ASMT: variants seen among roughly 807,000 people sequenced by gnomAD.
The protein encoded by ASMT is acetylserotonin N-methyltransferase.
ASMT carries 53 observed loss-of-function variants against 41.3 expected under a neutral mutation model. That is an observed-to-expected ratio of 1.28 (90% CI 1.03 to 1.61). The LOEUF (loss-of-function observed/expected upper bound fraction) is 1.61, where lower values mean the gene tolerates loss of function less well. ASMT is among the 40% of genes most tolerant of loss of function. The probability of loss-of-function intolerance (pLI) is 0.00; values close to 1 mark genes in which losing one functional copy is unlikely to be tolerated. For missense variants in ASMT, 531 were observed against 441.3 expected (o/e 1.20, Z -1.82); for synonymous variants, 231 against 184.8 (o/e 1.25, Z -2.03).
At chrX:1,631,760 C>CA (rs751267211) in intron 5 of ASMT, among the ~76,000 whole-genome samples, 6 of 151,282 alleles carry the variant, frequency 4.0e-5, no homozygotes, top group African/African-American at 1.5e-4. Context: ...ACTAAAAATA[C>CA]AAAAAAAGGC....
chrX:1,631,422 G>A (rs1411454897), intron 5 of ASMT, among the ~76,000 whole-genome samples: 2 of 151,774 alleles, frequency 1.3e-5, no homozygotes, highest in Non-Finnish European at 2.9e-5. Context: ...TACCCCATAG[G>A]GCTGTCACAC....
intron 5 of ASMT, among the ~76,000 whole-genome samples, chrX:1,632,479 G>T (rs148676123): frequency 2.0e-5 from 3 of 152,050 alleles, no homozygotes; most frequent in African/African-American, 7.2e-5. Flanking sequence ...GAGAAACCCT[G>T]TCTCTACTAA....
chrX:1,635,963 CTT>C (rs756873361), intron 7 of ASMT, among the ~76,000 whole-genome samples: 20 of 141,868 alleles, frequency 1.4e-4, no homozygotes, highest in African/African-American at 1.5e-4. Context: ...TATTTTCTTT[CTT>C]TTTTTTTTTT....
At chrX:1,635,791 G>A (rs1331877068) in intron 7 of ASMT, among the ~76,000 whole-genome samples, 5 of 151,672 alleles carry the variant, frequency 3.3e-5, no homozygotes, top group Non-Finnish European at 5.9e-5. Context: ...GAAACCAGGA[G>A]GTGGAGGTTG....
At position 1,623,256 on chromosome X, in the gene ASMT, C is replaced by A; in HGVS notation, c.187C>A (p.Leu63Met). The A allele has an allele frequency of 6.2e-7, 1 of 1,613,910 alleles. No individual in the cohort carries two copies. The highest frequency in any genetic ancestry group is 1.1e-5 in the South Asian group (1 of 91,068). The change falls in exon 2 of 9, where the codon CTG (leucine) becomes ATG (methionine). Residue 63 changes from leucine (L) to methionine (M), a missense_variant. Leu to Met is a conservative substitution (Grantham distance 15). Coordinates refer to ENST00000381241, the MANE Select transcript of ASMT (RefSeq NM_001171038.2). ...GGCCAGCGCCCATGGGACAGAGCTC[C>A]TGCTGGACATCTGTGTGTCCCTGAA... ...VRASAHGTEL[L>M]LDICVSLKLL...
chrX:1,628,875 T>G (rs1200330250), intron 4 of ASMT, among the ~76,000 whole-genome samples: 8 of 150,644 alleles, frequency 5.3e-5, no homozygotes, highest in African/African-American at 2.0e-4. Flanking sequence ...TTTCACCTCC[T>G]TTTCTCCTCC....
intron 1 of ASMT, among the ~76,000 whole-genome samples, chrX:1,619,630 C>T (rs1289114637): frequency 8.8e-5 from 13 of 148,198 alleles, no homozygotes; most frequent in African/African-American, 3.0e-4. Context: ...TCAAAGTTAG[C>T]GTACCCTTAA....
chrX:1,625,913 C>A (rs1934529636), intron 3 of ASMT, among the ~76,000 whole-genome samples: 2 of 141,736 alleles, frequency 1.4e-5, no homozygotes, highest in Admixed American at 1.5e-4. Flanking sequence ...CAAGATCGCA[C>A]CACTGCACTC....
intron 1 of ASMT, among the ~76,000 whole-genome samples, chrX:1,616,382 A>C (rs1226307141): frequency 2.0e-5 from 3 of 151,378 alleles, no homozygotes; most frequent in African/African-American, 7.3e-5. Context: ...CATTTATATG[A>C]AATGTGCAGA....
intron 1 of ASMT, among the ~76,000 whole-genome samples, chrX:1,622,408 A>G (rs1934368338): frequency 6.7e-6 from 1 of 150,138 alleles, no homozygotes; most frequent in African/African-American, 2.5e-5. Flanking sequence ...CTCCTGCCTC[A>G]GCCTCCCAAG....
chrX:1,617,583 C>T (rs1279129350), intron 1 of ASMT, among the ~76,000 whole-genome samples: 6 of 151,878 alleles, frequency 4.0e-5, no homozygotes, highest in Non-Finnish European at 5.9e-5. Context: ...GGTTTCTCTC[C>T]GTCAGCAAGC....
rs773109876 is a variant in ASMT, at chrX:1,624,248, GT to G, written c.245-14del. ...CTCGGAATCTCACTGCTTTTTCCCT[GT>G]TTTTTTGTGTGTGTTTCAGCTTTCT... On this transcript the variant is annotated intron_variant, in intron 2 of 8. Transcript: ENST00000381241. 1.2e-6 allele frequency: 2 copies of G among 1,613,674 alleles called. No individual in the cohort carries two copies. The highest frequency in any genetic ancestry group is 1.7e-6 in the Non-Finnish European group (2 of 1,179,834).
chrX:1,623,746 A>G (rs1212724942), intron 2 of ASMT, among the ~76,000 whole-genome samples: 3 of 151,858 alleles, frequency 2.0e-5, no homozygotes, highest in Admixed American at 6.6e-5. Flanking sequence ...TATTTTTAAT[A>G]GAGACAGGAT....
intron 1 of ASMT, among the ~76,000 whole-genome samples, chrX:1,622,792 A>C (rs1264308357): frequency 2.0e-5 from 3 of 151,670 alleles, no homozygotes; most frequent in African/African-American, 7.2e-5. Context: ...CAGGCCTGTA[A>C]TCCCAGCTAC....
chrX:1,636,696 G>C, intron 8 of ASMT, 136 bp downstream of exon 8: 1 of 1,327,358 alleles, frequency 7.5e-7, no homozygotes, highest in Non-Finnish European at 1.1e-6. Context: ...TTTCCTTTTA[G>C]ATAACGACCT....
At chrX:1,631,707 G>A (rs1419262919) in intron 5 of ASMT, among the ~76,000 whole-genome samples, 57 of 152,012 alleles carry the variant, frequency 3.7e-4, no homozygotes, top group Non-Finnish European at 6.8e-4. Flanking sequence ...CTGAGGTCAG[G>A]AGTTCGAGAT....
intron 8 of ASMT, 130 bp downstream of exon 8, chrX:1,636,690 C>A (rs1934979128): frequency 1.4e-6 from 2 of 1,392,314 alleles, no homozygotes; most frequent in Middle Eastern, 2.5e-4. Context: ...TATGGCTTTC[C>A]TTTTAGATAA....
chrX:1,618,460 G>A (rs1934218553), intron 1 of ASMT, among the ~76,000 whole-genome samples: 1 of 150,972 alleles, frequency 6.6e-6, no homozygotes, highest in Admixed American at 6.6e-5. Context: ...TACTGCCTCT[G>A]GCTAATTTTT....
At position 1,636,458 on chromosome X, in the gene ASMT, C is replaced by A. The variant is rs758486345; in HGVS notation, c.808C>A (p.Leu270Ile). 6.4e-5 allele frequency: 104 copies of A among 1,613,822 alleles called. 2 individuals are homozygous for A. In the South Asian group the frequency reaches 1.1e-3, roughly 17 times the overall value. ...FQEGDFFKDP[L>I]PEADLYILAR... The stretch of plus-strand genomic sequence containing the variant: ...TCCAGGGGATTTCTTCAAAGACCCT[C>A]TTCCGGAAGCTGATCTGTACATCCT... Residue 270 changes from leucine (L) to isoleucine (I), a missense_variant, in exon 8 of 9, where the codon CTT becomes ATT. Leu to Ile is a conservative substitution (Grantham distance 5, BLOSUM62 2). Transcript: ENST00000381241.
Sources: gnomAD v4.1 joint callset for allele counts (sites outside exome capture counted in the v4.1 genomes callset) on GRCh38, gnomAD v4.1.1 for gene constraint, MANE v1.5 for transcripts, NCBI Gene and HGNC (gene_info 2026-07-23, HGNC 2026-07-21) for gene names.